The following BMPR1B variants were observed in gnomAD, a reference collection of about 807,000 sequenced individuals.
BMPR1B encodes the protein bone morphogenetic protein receptor type 1B.
BMPR1B carries 12 observed loss-of-function variants against 59.1 expected under a neutral mutation model. That is an observed-to-expected ratio of 0.20 (90% CI 0.13 to 0.33). The LOEUF is 0.33. BMPR1B is among the 10% of genes least tolerant of loss of function. The probability of loss-of-function intolerance (pLI) is 1.00; values close to 1 mark genes in which losing one functional copy is unlikely to be tolerated. For synonymous variants in BMPR1B, 237 were observed against 207.3 expected (o/e 1.14, Z -1.23); for missense variants, 550 against 610.9 (o/e 0.90, Z 1.05).
At chr4:95,072,901 T>TA (rs1444485694) in intron 3 of BMPR1B, among the ~76,000 whole-genome samples, 1 of 152,202 alleles carries the variant, frequency 6.6e-6, no homozygotes, top group Non-Finnish European at 1.5e-5. Context: ...AGAAAGAGTC[T>TA]ATTAAATAAG....
intron 1 of BMPR1B, among the ~76,000 whole-genome samples, chr4:94,808,634 T>C (rs935431512): frequency 3.3e-5 from 5 of 152,228 alleles, no homozygotes; most frequent in Non-Finnish European, 7.3e-5. Context: ...AGATATGCAC[T>C]TTCAAAACTA....
At position 94,802,420 on chromosome 4, in the gene BMPR1B, A is replaced by C. The variant is rs115326180; in HGVS notation, c.-183+44352A>C. On this transcript the variant is annotated intron_variant, in intron 1 of 12. Transcript: ENST00000515059. Reference sequence around the variant, plus strand: ...TTTTAGGGATCTTTGTCATCCCAGGAGTCCAGGCTAGCTTAAAATTATCTT... The same window carrying C: ...TTTTAGGGATCTTTGTCATCCCAGGCGTCCAGGCTAGCTTAAAATTATCTT... 8.2e-3 allele frequency among the ~76,000 whole-genome samples: 1,246 copies of C among 152,252 alleles called. 14 individuals carry two copies. Among genetic ancestry groups the C allele is most frequent in the African/African-American group, 0.029 (1,200 of 41,546 alleles).
At chr4:94,928,810 A>C (rs1169866387) in intron 2 of BMPR1B, among the ~76,000 whole-genome samples, 1 of 152,088 alleles carries the variant, frequency 6.6e-6, no homozygotes, top group Non-Finnish European at 1.5e-5. Flanking sequence ...TGAGCAATTA[A>C]TTGGGGTAAC....
At chr4:94,900,416 A>C (rs914095325) in intron 2 of BMPR1B, among the ~76,000 whole-genome samples, 8 of 151,890 alleles carry the variant, frequency 5.3e-5, no homozygotes, top group Admixed American at 3.3e-4. Context: ...TAAGTTCTGT[A>C]TTTGTAAATG....
At chr4:94,840,916 G>A (rs1265046097) in intron 1 of BMPR1B, among the ~76,000 whole-genome samples, 1 of 146,976 alleles carries the variant, frequency 6.8e-6, no homozygotes, top group Non-Finnish European at 1.5e-5. Context: ...GGTCTTTGAT[G>A]ATGGTGATGT....
chr4:94,932,511 A>G (rs771399394), intron 2 of BMPR1B, among the ~76,000 whole-genome samples: 11 of 152,170 alleles, frequency 7.2e-5, no homozygotes, highest in Non-Finnish European at 1.0e-4. Context: ...TGGAGAAACT[A>G]TAACTGTCAA....
intron 3 of BMPR1B, among the ~76,000 whole-genome samples, chr4:95,087,731 C>CA (rs1047928933): frequency 2.7e-5 from 4 of 150,794 alleles, no homozygotes; most frequent in South Asian, 2.1e-4. Flanking sequence ...GACCCTGTCT[C>CA]AAAAAAAATA....
At chr4:95,151,625 A>AT (rs1180532893) in intron 11 of BMPR1B, among the ~76,000 whole-genome samples, 7 of 152,182 alleles carry the variant, frequency 4.6e-5, no homozygotes, top group African/African-American at 1.7e-4. Flanking sequence ...GTCCTTGATG[A>AT]TTTTATAACA....
chr4:94,775,851 G>C (rs886348480), intron 1 of BMPR1B, among the ~76,000 whole-genome samples: 1 of 152,194 alleles, frequency 6.6e-6, no homozygotes, highest in African/African-American at 2.4e-5. Flanking sequence ...CAGCACGCTG[G>C]GAGGCGGAGG....
rs115836397 is a variant in BMPR1B, at chr4:95,112,072, A to G, written c.144-2648A>G. Among the ~76,000 whole-genome samples, 1,161 of 152,218 alleles carry G rather than the reference A, an allele frequency of 7.6e-3. 4 individuals are homozygous for G. The highest frequency in any genetic ancestry group is 0.012 in the Non-Finnish European group (810 of 67,978). ...ATTTTGCTATCACTTTTCTTCGTCT[A>G]TAACACAGGGACAGCATTTTTGAAA... On this transcript the variant is annotated intron_variant, in intron 4 of 12. Transcript: ENST00000515059.
At chr4:94,801,951 T>C (rs1013088879) in intron 1 of BMPR1B, among the ~76,000 whole-genome samples, 1 of 152,276 alleles carries the variant, frequency 6.6e-6, no homozygotes, top group Non-Finnish European at 1.5e-5. Flanking sequence ...GACGTTATAC[T>C]GTGTAAACAA....
intron 2 of BMPR1B, among the ~76,000 whole-genome samples, chr4:94,980,866 G>A (rs893178748): frequency 5.9e-5 from 9 of 152,084 alleles, no homozygotes; most frequent in African/African-American, 1.7e-4. Context: ...GTGGTGGTGC[G>A]GTCCTGTAAT....
intron 1 of BMPR1B, among the ~76,000 whole-genome samples, chr4:94,824,603 T>G (rs528346023): frequency 2.1e-4 from 32 of 152,346 alleles, no homozygotes; most frequent in African/African-American, 7.7e-4. Flanking sequence ...TCATTTTTAC[T>G]GTCTATATGA....
At chr4:95,116,623 T>C (rs576804668) in intron 6 of BMPR1B, among the ~76,000 whole-genome samples, 92 of 147,546 alleles carry the variant, frequency 6.2e-4, no homozygotes, top group African/African-American at 2.1e-3. Context: ...CTCTCTCTCT[T>C]TTTTTTTTTT....
intron 1 of BMPR1B, among the ~76,000 whole-genome samples, chr4:94,814,940 G>A (rs955229721): frequency 2.0e-5 from 3 of 151,380 alleles, no homozygotes; most frequent in East Asian, 1.9e-4. Context: ...TTTCGCTCTT[G>A]TTGCCTAGGC....
intron 3 of BMPR1B, among the ~76,000 whole-genome samples, chr4:95,051,221 C>T (rs900060734): frequency 1.3e-5 from 2 of 152,168 alleles, no homozygotes; most frequent in Non-Finnish European, 2.9e-5. Flanking sequence ...TAAGTAAAAA[C>T]ATTATTTCTT....
intron 10 of BMPR1B, among the ~76,000 whole-genome samples, chr4:95,137,449 A>G (rs1452988295): frequency 1.3e-5 from 2 of 152,254 alleles, no homozygotes; most frequent in East Asian, 1.9e-4. Flanking sequence ...GCTGAGTTCA[A>G]TTCCTGGATA....
chr4:94,808,160 T>G (rs1418704830), intron 1 of BMPR1B, among the ~76,000 whole-genome samples: 1 of 152,226 alleles, frequency 6.6e-6, no homozygotes, highest in East Asian at 1.9e-4. Flanking sequence ...TAAATGTTTT[T>G]GCATTTTCTT....
At chr4:94,813,564 AG>A (rs1279795725) in intron 1 of BMPR1B, among the ~76,000 whole-genome samples, 1 of 152,196 alleles carries the variant, frequency 6.6e-6, no homozygotes, top group Non-Finnish European at 1.5e-5. Context: ...GGAATCGTGC[AG>A]GCTGTTGTCA....
Sources: gnomAD v4.1 joint callset for allele counts (sites outside exome capture counted in the v4.1 genomes callset) on GRCh38, gnomAD v4.1.1 for gene constraint, MANE v1.5 for transcripts, NCBI Gene and HGNC (gene_info 2026-07-23, HGNC 2026-07-21) for gene names.